Variants in ANKS1A observed in about 807,000 individuals in gnomAD.
ANKS1A encodes ankyrin repeat and sterile alpha motif domain containing 1A, also known as ankyrin repeat and SAM domain-containing protein 1A.
Under a neutral mutation model 120.3 loss-of-function variants are expected in ANKS1A, and 55 were observed. That is an observed-to-expected ratio of 0.46 (90% CI 0.37 to 0.57). The LOEUF (loss-of-function observed/expected upper bound fraction) is 0.57. Ranked by LOEUF, ANKS1A falls within the 20% of genes least tolerant of loss-of-function variation. The pLI is 0.00. For missense variants in ANKS1A, 1,123 were observed against 1,480.3 expected (o/e 0.76, Z 3.96); for synonymous variants, 590 against 604.7 (o/e 0.98, Z 0.36).
chr6:34,894,688 A>T (rs1412595738), intron 1 of ANKS1A, among the ~76,000 whole-genome samples: 7 of 152,264 alleles, frequency 4.6e-5, no homozygotes, highest in Admixed American at 2.0e-4. Flanking sequence ...GAAAAAAGAA[A>T]ACCAGCCACA....
intron 9 of ANKS1A, among the ~76,000 whole-genome samples, 153 bp from the exon 10 acceptor site, chr6:34,994,149 T>C (rs1772721550): frequency 6.6e-6 from 1 of 152,168 alleles, no homozygotes; most frequent in Non-Finnish European, 1.5e-5. Flanking sequence ...AGAAATGCAG[T>C]TGTGATTCTA....
chr6:35,049,959 T>A (rs920003920), intron 11 of ANKS1A, among the ~76,000 whole-genome samples: 3 of 152,136 alleles, frequency 2.0e-5, no homozygotes, highest in African/African-American at 7.2e-5. Context: ...TTCCCCTCCT[T>A]CAACTCCCAG....
chr6:35,017,689 C>G lies in ANKS1A; in HGVS notation c.1640C>G (p.Thr547Arg). The G allele has an allele frequency of 6.2e-7, 1 of 1,614,006 alleles. No individual in the cohort carries two copies. The highest frequency in any genetic ancestry group is 8.5e-7 in the Non-Finnish European group (1 of 1,179,976). ...CHKASMQLEE[T>R]GVHAPGASQP... Reference sequence around the variant, plus strand: ...AAGGCCAGCATGCAGCTGGAGGAGACGGGTGTGCATGCTCCTGGAGCCTCC... The same window carrying G: ...AAGGCCAGCATGCAGCTGGAGGAGAGGGGTGTGCATGCTCCTGGAGCCTCC... Residue 547 changes from threonine to arginine, a missense_variant, in exon 11 of 24, where the codon ACG (threonine) becomes AGG (arginine). Physicochemically the swap from Thr to Arg is moderately conservative, Grantham distance 71 (BLOSUM62 -1). This residue lies in a region of ANKS1A where 904 missense variants were observed against 1,130.4 expected (regional missense o/e 0.80). Transcript: ENST00000360359.
chr6:34,927,961 G>C (rs1473923640), intron 1 of ANKS1A, among the ~76,000 whole-genome samples: 3 of 152,168 alleles, frequency 2.0e-5, no homozygotes, highest in Admixed American at 6.5e-5. Context: ...CAGTAGGCAA[G>C]GCTGGCATTT....
chr6:34,993,764 T>C (rs1252967720), intron 9 of ANKS1A, among the ~76,000 whole-genome samples: 1 of 152,194 alleles, frequency 6.6e-6, no homozygotes, highest in Admixed American at 6.5e-5. Context: ...CTTTGGATAG[T>C]ATATGTGCAT....
intron 10 of ANKS1A, among the ~76,000 whole-genome samples, chr6:35,005,977 A>G (rs1773426755): frequency 6.6e-6 from 1 of 152,158 alleles, no homozygotes; most frequent in Non-Finnish European, 1.5e-5. Context: ...TCACAAGGAC[A>G]AGAGATCGAG....
At chr6:34,977,647 A>AT (rs1395268062) in intron 3 of ANKS1A, among the ~76,000 whole-genome samples, 5 of 150,778 alleles carry the variant, frequency 3.3e-5, no homozygotes, top group South Asian at 2.1e-4. Context: ...TAAACCTTCC[A>AT]TTTTTTTTTG....
rs527344278 is a variant in ANKS1A, at chr6:34,985,075, C to T, written c.1013-7C>T. On this transcript the variant is annotated splice_polypyrimidine_tract_variant and splice_region_variant and intron_variant, in intron 7 of 23. Coordinates refer to ENST00000360359, the MANE Select transcript of ANKS1A (RefSeq NM_015245.3). ...AGTGACTCTCTTGCCCTCCATCCTCCTCTCAGGTGACGTGGAGAAAGCAGT... is the reference window on the plus strand; with the variant it reads ...AGTGACTCTCTTGCCCTCCATCCTCTTCTCAGGTGACGTGGAGAAAGCAGT... 2.5e-6 allele frequency: 4 copies of T among 1,610,784 alleles called. No homozygotes were observed. In the East Asian group the frequency reaches 6.7e-5, roughly 27 times the overall value.
intron 1 of ANKS1A, among the ~76,000 whole-genome samples, chr6:34,910,287 G>A (rs1767843837): frequency 6.6e-6 from 1 of 152,194 alleles, no homozygotes; most frequent in Admixed American, 6.5e-5. Context: ...TTACAGGCGG[G>A]TCACAGTGGC....
chr6:34,967,692 T>A (rs1027108308), intron 2 of ANKS1A, among the ~76,000 whole-genome samples: 2 of 151,744 alleles, frequency 1.3e-5, no homozygotes, highest in East Asian at 3.9e-4. Flanking sequence ...AGTGACCCTA[T>A]CTCTAAAAAA....
At chr6:35,010,729 A>G (rs1051729766) in intron 10 of ANKS1A, among the ~76,000 whole-genome samples, 1 of 152,204 alleles carries the variant, frequency 6.6e-6, no homozygotes, top group African/African-American at 2.4e-5. Context: ...CCATTGGTAA[A>G]GCCTAAATGG....
In ANKS1A at chr6:35,088,989, A is replaced by C; in HGVS notation, c.*380A>C. ...ATGGCCATGGGGCAGAGGACAGGGGAGCTGAGGTTGGTTCAGAGGCCAGCC... is the reference window on the plus strand; with the variant it reads ...ATGGCCATGGGGCAGAGGACAGGGGCGCTGAGGTTGGTTCAGAGGCCAGCC... On this transcript the variant is annotated 3_prime_UTR_variant, in exon 24 of 24. Transcript: ENST00000360359. 1 of 1,184,234 alleles carries C rather than the reference A, an allele frequency of 8.4e-7. No individual in the cohort carries two copies. The highest frequency in any genetic ancestry group is 1.1e-6 in the Non-Finnish European group (1 of 945,782). 73.4% of individuals were successfully genotyped at this position (1,184,234 alleles called of 1,614,324 possible). A position where few individuals can be genotyped will look rare whatever the true frequency, so the allele number is the denominator to read the frequency against.
chr6:34,944,867 G>A (rs1769709969), intron 1 of ANKS1A, among the ~76,000 whole-genome samples: 1 of 152,080 alleles, frequency 6.6e-6, no homozygotes, highest in Admixed American at 6.6e-5. Context: ...CCAGTCTGTG[G>A]CTTGTCTTTT....
chr6:34,945,984 T>A (rs1561863683), intron 1 of ANKS1A, among the ~76,000 whole-genome samples: 2 of 138,744 alleles, frequency 1.4e-5, no homozygotes, highest in Non-Finnish European at 1.6e-5. Context: ...TTTTTATTTA[T>A]TTTTTTTTTT....
intron 3 of ANKS1A, among the ~76,000 whole-genome samples, chr6:34,979,466 G>C (rs1771785497): frequency 6.6e-6 from 1 of 152,222 alleles, no homozygotes; most frequent in Admixed American, 6.5e-5. Context: ...GATGTGGTTA[G>C]ACCATTTTTA....
intron 11 of ANKS1A, among the ~76,000 whole-genome samples, chr6:35,035,784 G>A (rs537950776): frequency 6.6e-6 from 1 of 152,304 alleles, no homozygotes; most frequent in South Asian, 2.1e-4. Flanking sequence ...AAACAAGAGC[G>A]TTTCCTGCCG....
At chr6:34,906,520 C>G (rs77345731) in intron 1 of ANKS1A, among the ~76,000 whole-genome samples, 7 of 152,322 alleles carry the variant, frequency 4.6e-5, no homozygotes, top group African/African-American at 1.7e-4. Flanking sequence ...GCTTGGTTAT[C>G]TGTGAGTTTT....
Position 35,058,952 on chromosome 6 carries a change from G to A in ANKS1A, c.2078-1195G>A, listed in dbSNP as rs1776344465. ...AGAACGCCAAGATCCAGAGACCCTG[G>A]GACGACTGTGGCTGTCTTTATCACT... On this transcript the variant is annotated intron_variant, in intron 12 of 23. Coordinates refer to ENST00000360359, the MANE Select transcript of ANKS1A (RefSeq NM_015245.3). The surrounding 1 kb of genome is among the most constrained non-coding windows in gnomAD (Gnocchi z 5.1). 6.6e-6 allele frequency among the ~76,000 whole-genome samples: 1 copy of A among 152,192 alleles called. No homozygotes were observed. Among genetic ancestry groups the A allele is most frequent in the Non-Finnish European group, 1.5e-5 (1 of 68,026 alleles).
At chr6:34,964,440 T>A (rs1229704024) in intron 1 of ANKS1A, among the ~76,000 whole-genome samples, 1 of 152,304 alleles carries the variant, frequency 6.6e-6, no homozygotes, top group East Asian at 1.9e-4. Context: ...TGAGTGCTCT[T>A]CCAGTCACCA....
Sources: allele counts gnomAD v4.1 joint callset (sites outside exome capture counted in the v4.1 genomes callset), GRCh38; gene constraint gnomAD v4.1.1; regional missense constraint gnomAD v4.1.1; non-coding constraint Gnocchi (gnomAD v3.1); transcripts MANE v1.5; gene names NCBI Gene and HGNC (gene_info 2026-07-23, HGNC 2026-07-21).